Variants in LARP1B observed in about 807,000 individuals in gnomAD.
LARP1B encodes La ribonucleoprotein 1B.
Under a neutral mutation model 114.2 loss-of-function variants are expected in LARP1B, and 76 were observed. That is an observed-to-expected ratio of 0.67 (90% CI 0.55 to 0.81). The LOEUF (loss-of-function observed/expected upper bound fraction) is 0.81. Among genes scored for constraint, LARP1B ranks in the 30% least tolerant of loss-of-function variants. The probability of loss-of-function intolerance (pLI) is 0.00; values close to 1 mark genes in which losing one functional copy is unlikely to be tolerated. For synonymous variants in LARP1B, 345 were observed against 348.0 expected (o/e 0.99, Z 0.10); for missense variants, 1,014 against 1,075.8 (o/e 0.94, Z 0.80).
rs1758686852 is a variant in LARP1B at position 128,209,989 on chromosome 4, T to C, written c.2681T>C (p.Leu894Pro). 2 of 1,614,134 alleles carry C rather than the reference T, an allele frequency of 1.2e-6. No homozygotes were observed. Among genetic ancestry groups the C allele is most frequent in the Non-Finnish European group, 1.7e-6 (2 of 1,179,998 alleles). The change falls in exon 20 of 20, where the codon CTT (leucine) becomes CCT (proline). Residue 894 changes from leucine (L) to proline (P), a missense_variant. Transcript: ENST00000326639. Reference sequence around the variant, plus strand: ...GCTAAACCTACATCTACCAGTGAGCTTCAGGTACCAATAAACTCTCCCAGA... The same window carrying C: ...GCTAAACCTACATCTACCAGTGAGCCTCAGGTACCAATAAACTCTCCCAGA... ...NAAKPTSTSE[L>P]QVPINSPRRN...
At chr4:128,136,151 G>A (rs937800837) in intron 11 of LARP1B, among the ~76,000 whole-genome samples, 2 of 151,814 alleles carry the variant, frequency 1.3e-5, no homozygotes, top group Admixed American at 1.3e-4. Flanking sequence ...AAATTAGCTG[G>A]GTGTGGTGGT....
At chr4:128,193,744 G>A (rs949779780) in intron 15 of LARP1B, among the ~76,000 whole-genome samples, 1 of 152,048 alleles carries the variant, frequency 6.6e-6, no homozygotes, top group African/African-American at 2.4e-5. Context: ...AGCCTCCTGA[G>A]TAGCTGGAAT....
At chr4:128,188,413 A>G (rs1016176362) in intron 15 of LARP1B, among the ~76,000 whole-genome samples, 86 of 152,278 alleles carry the variant, frequency 5.6e-4, no homozygotes, top group African/African-American at 2.0e-3. Flanking sequence ...AGCCTAATAC[A>G]TCTAGCTGAA....
intron 12 of LARP1B, among the ~76,000 whole-genome samples, chr4:128,162,998 A>G (rs990049530): frequency 6.6e-6 from 1 of 152,140 alleles, no homozygotes; most frequent in African/African-American, 2.4e-5. Context: ...TAAGGGCTAT[A>G]TCTTTTAACA....
intron 9 of LARP1B, chr4:128,107,888 G>A: frequency 6.5e-7 from 1 of 1,535,922 alleles, no homozygotes; most frequent in Non-Finnish European, 8.7e-7. Context: ...TTCAGTCAGG[G>A]TGATGATCTT....
At chr4:128,171,857 AT>A (rs1743876816) in intron 12 of LARP1B, among the ~76,000 whole-genome samples, 1 of 151,776 alleles carries the variant, frequency 6.6e-6, no homozygotes, top group Non-Finnish European at 1.5e-5. Context: ...TGGTATAATA[AT>A]TTATAGTCAT....
At chr4:128,100,775 A>G (rs1186698000) in intron 8 of LARP1B, among the ~76,000 whole-genome samples, 1 of 146,898 alleles carries the variant, frequency 6.8e-6, no homozygotes, top group Non-Finnish European at 1.5e-5. Flanking sequence ...ATTTTTTCCT[A>G]GTTTTTGTCT....
At position 128,061,715 on chromosome 4, in the gene LARP1B, C is replaced by T. The variant is rs565322684; in HGVS notation, c.-78+314C>T. The T allele has an allele frequency of 8.3e-5, 82 of 984,986 alleles. No individual in the cohort carries two copies. In the East Asian group the frequency reaches 7.5e-3, roughly 90 times the overall value. The allele number at this position is 984,986 out of a possible 1,614,324, so 61.0% of individuals were successfully genotyped here. ...GACGATGTCTACTCGCGCCCCGATG[C>T]CCGCCGCCCATTCTCGGGAGGATCC... On this transcript the variant is annotated intron_variant, in intron 1 of 19. Coordinates refer to ENST00000326639, the MANE Select transcript of LARP1B (RefSeq NM_018078.4).
intron 5 of LARP1B, among the ~76,000 whole-genome samples, chr4:128,086,932 T>C (rs918226281): frequency 2.6e-5 from 4 of 152,066 alleles, no homozygotes; most frequent in African/African-American, 9.7e-5. Flanking sequence ...GGCCCATTAG[T>C]CTTTACTGAA....
intron 12 of LARP1B, among the ~76,000 whole-genome samples, chr4:128,162,678 G>A (rs778592147): frequency 6.6e-6 from 1 of 152,132 alleles, no homozygotes; most frequent in Non-Finnish European, 1.5e-5. Context: ...CTGTGTGAGA[G>A]TGTAAATAAA....
At chr4:128,214,251 T>G (rs1035135364), downstream of LARP1B, among the ~76,000 whole-genome samples, 6 of 147,424 alleles carry the variant, frequency 4.1e-5, no homozygotes, top group Non-Finnish European at 9.0e-5. Flanking sequence ...TGCCCAGGCT[T>G]GCTTAGGTAA....
chr4:128,150,474 G>A (rs1356200713), intron 11 of LARP1B, among the ~76,000 whole-genome samples: 2 of 151,666 alleles, frequency 1.3e-5, no homozygotes, highest in East Asian at 1.9e-4. Flanking sequence ...TTACTTTTTT[G>A]TGGAGACAGT....
intron 1 of LARP1B, among the ~76,000 whole-genome samples, chr4:128,064,599 T>C (rs1761710482): frequency 6.6e-6 from 1 of 152,154 alleles, no homozygotes; most frequent in Non-Finnish European, 1.5e-5. Flanking sequence ...TGGCAAGCAC[T>C]CTAAAATTTA....
intron 11 of LARP1B, among the ~76,000 whole-genome samples, chr4:128,153,990 G>T (rs1734186424): frequency 6.6e-6 from 1 of 152,076 alleles, no homozygotes; most frequent in African/African-American, 2.4e-5. Flanking sequence ...CATTCCTACT[G>T]CCATGCGTCA....
chr4:128,103,517 A>G (rs1043006349), intron 8 of LARP1B, among the ~76,000 whole-genome samples: 2 of 150,812 alleles, frequency 1.3e-5, no homozygotes, highest in East Asian at 1.9e-4. Context: ...GTAAGAGAAT[A>G]CTATGATACC....
chr4:128,161,761 C>T (rs1235389970), intron 11 of LARP1B, among the ~76,000 whole-genome samples: 2 of 152,106 alleles, frequency 1.3e-5, no homozygotes, highest in Non-Finnish European at 2.9e-5. Context: ...TCCTGATGAT[C>T]GTAATTCTTA....
At chr4:128,169,884 A>G (rs1742800142) in intron 12 of LARP1B, among the ~76,000 whole-genome samples, 1 of 151,530 alleles carries the variant, frequency 6.6e-6, no homozygotes, top group Non-Finnish European at 1.5e-5. Flanking sequence ...TGATCCACCC[A>G]CCTCGGCCTC....
chr4:128,194,360 C>G (rs1753301626), intron 15 of LARP1B, among the ~76,000 whole-genome samples: 1 of 151,932 alleles, frequency 6.6e-6, no homozygotes, highest in Non-Finnish European at 1.5e-5. Context: ...GTGTGAGTTA[C>G]CGCGCCCGGC....
At chr4:128,190,079 G>C (rs1032332362) in intron 15 of LARP1B, among the ~76,000 whole-genome samples, 1 of 152,140 alleles carries the variant, frequency 6.6e-6, no homozygotes, top group African/African-American at 2.4e-5. Flanking sequence ...TCAAATTAAA[G>C]AACTCCCTTT....
Sources: allele counts gnomAD v4.1 joint callset (sites outside exome capture counted in the v4.1 genomes callset), GRCh38; gene constraint gnomAD v4.1.1; transcripts MANE v1.5; gene names NCBI Gene and HGNC (gene_info 2026-07-23, HGNC 2026-07-21).